Variants in PARD3B observed in about 807,000 individuals in gnomAD.
PARD3B encodes the protein partitioning defective 3 homolog B.
PARD3B carries 103 observed loss-of-function variants against 130.2 expected under a neutral mutation model. The observed-to-expected ratio is 0.79, with a 90% confidence interval of 0.67 to 0.93. The LOEUF (loss-of-function observed/expected upper bound fraction) is 0.93. Ranked by LOEUF, PARD3B falls within the 40% of genes least tolerant of loss-of-function variation. PARD3B has a pLI of 0.00. For missense variants in PARD3B, 1,609 were observed against 1,499.2 expected, an observed-to-expected ratio of 1.07 and a Z score of -1.21; for synonymous variants, 583 against 553.2, an observed-to-expected ratio of 1.05 and a Z score of -0.76.
intron 16 of PARD3B, among the ~76,000 whole-genome samples, chr2:205,298,844 G>A (rs1349480814): frequency 6.6e-6 from 1 of 152,150 alleles, no homozygotes; most frequent in Non-Finnish European, 1.5e-5. Flanking sequence ...AGACAGTAAA[G>A]TACATGGTAC....
At chr2:205,163,791 A>G (rs958941963) in intron 11 of PARD3B, among the ~76,000 whole-genome samples, 3 of 152,180 alleles carry the variant, frequency 2.0e-5, no homozygotes, top group Non-Finnish European at 4.4e-5. Context: ...ATAGATCTAT[A>G]ATTAATGAAT....
At chr2:204,643,619 TA>T (rs924435896) in intron 1 of PARD3B, among the ~76,000 whole-genome samples, 1 of 152,118 alleles carries the variant, frequency 6.6e-6, no homozygotes. Flanking sequence ...GTGATTTTTT[TA>T]AGCTCATCAG....
intron 21 of PARD3B, among the ~76,000 whole-genome samples, chr2:205,504,099 A>G (rs1284604331): frequency 6.6e-6 from 1 of 152,182 alleles, no homozygotes; most frequent in South Asian, 2.1e-4. Context: ...CATATCTACA[A>G]CCATCTGATC....
intron 2 of PARD3B, among the ~76,000 whole-genome samples, chr2:204,844,614 T>C (rs1283701368): frequency 1.3e-5 from 2 of 152,118 alleles, no homozygotes; most frequent in African/African-American, 2.4e-5. Flanking sequence ...TATATATTTT[T>C]ACATCGAAGA....
At chr2:204,741,262 G>A (rs536108288) in intron 2 of PARD3B, among the ~76,000 whole-genome samples, 1 of 152,248 alleles carries the variant, frequency 6.6e-6, no homozygotes, top group South Asian at 2.1e-4. Flanking sequence ...TTTATAAAAT[G>A]AAATTATATT....
chr2:205,357,437 G>A (rs1009247318), intron 18 of PARD3B, among the ~76,000 whole-genome samples: 7 of 152,164 alleles, frequency 4.6e-5, no homozygotes, highest in East Asian at 1.9e-4. Context: ...AAGTCTATGC[G>A]TTAGGGAAGA....
chr2:205,342,413 A>G (rs1321946684), intron 18 of PARD3B, among the ~76,000 whole-genome samples: 8 of 152,188 alleles, frequency 5.3e-5, no homozygotes, highest in Admixed American at 5.2e-4. Context: ...GAGCAACCAG[A>G]CCAACATGAA....
In PARD3B at chr2:205,426,588, C is replaced by T. The variant is rs556483738; in HGVS notation, c.2742-13782C>T. 6.6e-5 allele frequency among the ~76,000 whole-genome samples: 10 copies of T among 152,294 alleles called. No individual in the cohort carries two copies. The East Asian group carries it at 1.7e-3, about 26-fold the overall frequency. On this transcript the variant is annotated intron_variant, in intron 19 of 22. Coordinates refer to ENST00000406610, the MANE Select transcript of PARD3B (RefSeq NM_001302769.2). The stretch of plus-strand genomic sequence containing the variant: ...TACCACTATAGGGAGCAAACCTCCT[C>T]TTTACTCTCTGTTCATCTCTGACTC...
intron 1 of PARD3B, among the ~76,000 whole-genome samples, chr2:204,655,011 T>TC (rs2035596862): frequency 6.6e-6 from 1 of 152,090 alleles, no homozygotes; most frequent in South Asian, 2.1e-4. Context: ...AACACTTGTC[T>TC]CCCCCAGAAA....
chr2:205,165,772 A>C (rs1471858246), intron 11 of PARD3B, among the ~76,000 whole-genome samples: 1 of 146,788 alleles, frequency 6.8e-6, no homozygotes. Context: ...TAAATAAATA[A>C]AAGCTTCATA....
intron 12 of PARD3B, among the ~76,000 whole-genome samples, chr2:205,172,709 TC>T (rs1421301843): frequency 6.6e-6 from 1 of 152,206 alleles, no homozygotes; most frequent in African/African-American, 2.4e-5. Context: ...AAGTGTCTAA[TC>T]ACATGTGTAC....
At chr2:205,277,517 A>G (rs2040997224) in intron 16 of PARD3B, among the ~76,000 whole-genome samples, 1 of 152,172 alleles carries the variant, frequency 6.6e-6, no homozygotes, top group African/African-American at 2.4e-5. Context: ...TTTCTCTCCT[A>G]ATTTCTTTTT....
intron 1 of PARD3B, among the ~76,000 whole-genome samples, chr2:204,572,831 T>G (rs1356578193): frequency 6.6e-6 from 1 of 152,226 alleles, no homozygotes; most frequent in Non-Finnish European, 1.5e-5. Context: ...AGATACTATG[T>G]AGTTCCTACC....
chr2:205,005,127 CCT>C (rs1224587948), intron 3 of PARD3B, among the ~76,000 whole-genome samples: 1 of 152,090 alleles, frequency 6.6e-6, no homozygotes, highest in Non-Finnish European at 1.5e-5. Flanking sequence ...ACTCCCTTGC[CCT>C]GTCTTCCTCC....
intron 1 of PARD3B, among the ~76,000 whole-genome samples, chr2:204,646,221 AC>A: frequency 6.6e-6 from 1 of 152,166 alleles, no homozygotes; most frequent in Admixed American, 6.5e-5. Flanking sequence ...TGTTGCTTGC[AC>A]CCCAGAAGTT....
At chr2:204,843,256 A>T (rs187457249) in intron 2 of PARD3B, among the ~76,000 whole-genome samples, 1 of 152,258 alleles carries the variant, frequency 6.6e-6, no homozygotes, top group East Asian at 1.9e-4. Context: ...ACTACCATTT[A>T]TTAATCACTA....
chr2:204,883,970 C>T (rs970422110), intron 2 of PARD3B, among the ~76,000 whole-genome samples: 3 of 151,884 alleles, frequency 2.0e-5, no homozygotes, highest in African/African-American at 7.3e-5. Context: ...AACTCCTGAC[C>T]TGGTGATCCA....
chr2:204,671,320 G>A (rs1018656581), intron 1 of PARD3B, among the ~76,000 whole-genome samples: 1 of 152,162 alleles, frequency 6.6e-6, no homozygotes, highest in Admixed American at 6.5e-5. Context: ...TTTCTCCAGA[G>A]ATAATATCTC....
At chr2:204,856,002 A>C (rs76025474) in intron 2 of PARD3B, among the ~76,000 whole-genome samples, 8,860 of 152,268 alleles carry the variant, frequency 0.058, 291 homozygotes, top group Middle Eastern at 0.099. Flanking sequence ...AATAATGCTG[A>C]AATAAACATG....
Sources: gnomAD v4.1 joint callset for allele counts (sites outside exome capture counted in the v4.1 genomes callset) on GRCh38, gnomAD v4.1.1 for gene constraint, MANE v1.5 for transcripts, NCBI Gene and HGNC (gene_info 2026-07-23, HGNC 2026-07-21) for gene names.